PXDNL: variants seen among roughly 807,000 people sequenced by gnomAD.
PXDNL encodes the protein probable oxidoreductase PXDNL.
Under a neutral mutation model 150.8 loss-of-function variants are expected in PXDNL, and 145 were observed. The observed-to-expected ratio is 0.96, with a 90% CI of 0.84 to 1.10. The LOEUF (loss-of-function observed/expected upper bound fraction) is 1.10. Ranked by LOEUF, PXDNL falls within the 50% of genes least tolerant of loss-of-function variation. The pLI, the probability that PXDNL is intolerant of heterozygous loss-of-function variation, is 0.00. For missense variants in PXDNL, 2,087 were observed against 1,873.9 expected (o/e 1.11, Z -2.10); for synonymous variants, 757 against 725.7 (o/e 1.04, Z -0.69).
At chr8:51,791,690 C>G (rs1000567637) in intron 1 of PXDNL, among the ~76,000 whole-genome samples, 1 of 152,194 alleles carries the variant, frequency 6.6e-6, no homozygotes, top group African/African-American at 2.4e-5. Flanking sequence ...ATAGCTCCCC[C>G]TTAGTAGAGT....
Position 51,787,848 on chromosome 8 carries a change from A to G in PXDNL, c.164+21333T>C, listed in dbSNP as rs375453438. 3.9e-5 allele frequency among the ~76,000 whole-genome samples: 6 copies of G among 152,348 alleles called. No individual in the cohort carries two copies. In the East Asian group the frequency reaches 1.2e-3, roughly 29 times the overall value. On this transcript the variant is annotated intron_variant, in intron 1 of 22. Coordinates refer to ENST00000356297, the MANE Select transcript of PXDNL (RefSeq NM_144651.5). ...AAAAAAGAAATCTTTTGTGAAAAGA[A>G]GAGTCCATTAATGCAGGAAACTTCC...
chr8:51,744,526 A>C (rs1206553124), intron 1 of PXDNL, among the ~76,000 whole-genome samples: 1 of 147,970 alleles, frequency 6.8e-6, no homozygotes, highest in East Asian at 2.0e-4. Context: ...AAAAAAAAAA[A>C]TTAGCTGGGC....
intron 9 of PXDNL, among the ~76,000 whole-genome samples, chr8:51,454,730 A>G (rs982928507): frequency 6.6e-6 from 1 of 152,236 alleles, no homozygotes; most frequent in Non-Finnish European, 1.5e-5. Context: ...ATAAATGTTT[A>G]ATTTAATTCC....
chr8:51,391,672 C>G (rs189496945), intron 17 of PXDNL, among the ~76,000 whole-genome samples: 1 of 152,188 alleles, frequency 6.6e-6, no homozygotes, highest in Non-Finnish European at 1.5e-5. Flanking sequence ...CGAAAATTTT[C>G]TCCCATTTTG....
chr8:51,675,834 A>T (rs921549430), intron 1 of PXDNL, among the ~76,000 whole-genome samples: 5 of 150,972 alleles, frequency 3.3e-5, no homozygotes, highest in African/African-American at 1.2e-4. Flanking sequence ...ATAATCTGTT[A>T]TAGCAGCACA....
chr8:51,368,577 A>G, intron 19 of PXDNL, among the ~76,000 whole-genome samples: 1 of 152,216 alleles, frequency 6.6e-6, no homozygotes, highest in East Asian at 1.9e-4. Flanking sequence ...AAAACAACAT[A>G]AAGGGCTGAG....
rs141295221 is a variant in PXDNL at position 51,785,752 on chromosome 8, A to C, written c.164+23429T>G. ...TCTCTCCCTCTCCTTGGGCCTCCCA[A>C]TTCCCTGAGAAAGAACAGTATTGAA... On this transcript the variant is annotated intron_variant, in intron 1 of 22. Coordinates refer to ENST00000356297, the MANE Select transcript of PXDNL (RefSeq NM_144651.5). 5.1e-3 allele frequency among the ~76,000 whole-genome samples: 778 copies of C among 152,234 alleles called. 3 individuals carry two copies. Among genetic ancestry groups the C allele is most frequent in the African/African-American group, 0.018 (743 of 41,520 alleles).
chr8:51,552,750 C>T (rs2130528043), intron 4 of PXDNL, among the ~76,000 whole-genome samples: 1 of 152,236 alleles, frequency 6.6e-6, no homozygotes, highest in East Asian at 1.9e-4. Flanking sequence ...GTGTTGGGTG[C>T]ACCAAAATCT....
At chr8:51,470,958 T>C (rs959013683) in intron 8 of PXDNL, among the ~76,000 whole-genome samples, 1 of 151,170 alleles carries the variant, frequency 6.6e-6, no homozygotes, top group Non-Finnish European at 1.5e-5. Context: ...TGAAAAGCAA[T>C]GGCAACAAAA....
chr8:51,630,654 C>T (rs1814469954), intron 2 of PXDNL, among the ~76,000 whole-genome samples: 2 of 152,144 alleles, frequency 1.3e-5, no homozygotes, highest in South Asian at 2.1e-4. Context: ...AAAAGTCATA[C>T]GCACAGCCAA....
At chr8:51,722,094 G>T in intron 1 of PXDNL, 1 of 177,754 alleles carries the variant, frequency 5.6e-6, no homozygotes, top group Non-Finnish European at 1.2e-5. Flanking sequence ...GCAAGCAGTT[G>T]CTTTCTCACC....
chr8:51,601,705 A>G (rs958924429), intron 2 of PXDNL, among the ~76,000 whole-genome samples: 2 of 151,874 alleles, frequency 1.3e-5, no homozygotes, highest in Admixed American at 1.3e-4. Context: ...GGGCATTTAG[A>G]ACGTGTACAT....
intron 2 of PXDNL, among the ~76,000 whole-genome samples, chr8:51,602,484 A>C (rs1028375182): frequency 6.6e-6 from 1 of 151,880 alleles, no homozygotes; most frequent in Non-Finnish European, 1.5e-5. Flanking sequence ...TATTAAGTGA[A>C]TTTGGTAACT....
chr8:51,728,493 G>A (rs1816859593), intron 1 of PXDNL, among the ~76,000 whole-genome samples: 1 of 152,072 alleles, frequency 6.6e-6, no homozygotes, highest in South Asian at 2.1e-4. Flanking sequence ...AAGATACGGA[G>A]GTGGAAGATG....
At chr8:51,448,670 A>C (rs1193993453) in intron 11 of PXDNL, among the ~76,000 whole-genome samples, 1 of 151,626 alleles carries the variant, frequency 6.6e-6, no homozygotes, top group East Asian at 1.9e-4. Context: ...ACTGCACTCC[A>C]GCCTGGGCGA....
intron 4 of PXDNL, among the ~76,000 whole-genome samples, chr8:51,532,962 A>T (rs1475178439): frequency 4.6e-5 from 7 of 151,664 alleles, no homozygotes; most frequent in African/African-American, 1.7e-4. Context: ...AATTGAATGC[A>T]ATTCTAATTG....
rs577390663 is a variant in PXDNL, at chr8:51,639,556, C to G, written c.236+15133G>C. ...ATCCCACAGAAATACAAATTACCAT[C>G]AGAGAATACTACAAACACCTCTATG... On this transcript the variant is annotated intron_variant, in intron 2 of 22. Coordinates refer to ENST00000356297, the MANE Select transcript of PXDNL (RefSeq NM_144651.5). Among the ~76,000 whole-genome samples the G allele has an allele frequency of 4.8e-3, 737 of 152,286 alleles. 6 individuals carry two copies. The highest frequency in any genetic ancestry group is 7.1e-3 in the Non-Finnish European group (480 of 68,034).
In PXDNL at chr8:51,423,638, AT is replaced by A; in HGVS notation, c.1731del (p.Arg577SerfsTer14). The A allele has an allele frequency of 6.2e-7, 1 of 1,613,948 alleles. No homozygotes were observed. The highest frequency in any genetic ancestry group is 8.5e-7 in the Non-Finnish European group (1 of 1,179,864). On this transcript the variant is annotated frameshift_variant, in exon 14 of 23. Transcript: ENST00000356297. LOFTEE classifies it high-confidence loss of function. Reference protein sequence around the residue: ...IYDAGFPDQGRYECVARNSFG... With the variant: ...IYDAGFPDQGXYECVARNSFG... ...AAAGAATTCCGAGCCACACATTCAT[AT>A]CTTCCCTGGTCAGGGAACCCTGCGT...
intron 1 of PXDNL, among the ~76,000 whole-genome samples, chr8:51,735,067 A>G (rs1019271060): frequency 6.6e-6 from 1 of 152,238 alleles, no homozygotes; most frequent in Non-Finnish European, 1.5e-5. Flanking sequence ...CACAAAAAAG[A>G]TAAGTATGTG....
Sources: gnomAD v4.1 joint callset for allele counts (sites outside exome capture counted in the v4.1 genomes callset) on GRCh38, gnomAD v4.1.1 for gene constraint, MANE v1.5 for transcripts, NCBI Gene and HGNC (gene_info 2026-07-23, HGNC 2026-07-21) for gene names.